The following PLCD3 variants were observed in gnomAD, a reference collection of about 807,000 sequenced individuals.
PLCD3 encodes 1-phosphatidylinositol 4,5-bisphosphate phosphodiesterase delta-3.
A neutral mutation model predicts 82.8 loss-of-function variants in PLCD3; 62 were observed. The ratio of observed to expected loss-of-function variants is 0.75; its 90% CI spans 0.61 to 0.93. PLCD3 has a LOEUF of 0.93. Ranked by LOEUF, PLCD3 falls within the 40% of genes least tolerant of loss-of-function variation. The pLI is 0.00. For missense variants in PLCD3, 1,023 were observed against 1,103.4 expected, an observed-to-expected ratio of 0.93 and a Z score of 1.03; for synonymous variants, 478 against 471.8, an observed-to-expected ratio of 1.01 and a Z score of -0.17.
chr17:45,114,443 G>T, intron 10 of PLCD3, 77 bp from the exon 11 acceptor site: 2 of 1,197,930 alleles, frequency 1.7e-6, no homozygotes, highest in South Asian at 1.4e-5. Context: ...AACCTCCAGG[G>T]AACAGAGCCC....
chr17:45,113,149 G>T lies in PLCD3; in HGVS notation c.2104C>A (p.Gln702Lys). 2 of 1,613,360 alleles carry T rather than the reference G, an allele frequency of 1.2e-6. No individual in the cohort carries two copies. Among genetic ancestry groups the T allele is most frequent in the East Asian group, 2.2e-5 (1 of 44,874 alleles). The change falls in exon 13 of 15, where the codon CAG becomes AAG. Residue 702 changes from glutamine (Q) to lysine (K), a missense_variant. Gln to Lys is a moderately conservative substitution (Grantham distance 53, BLOSUM62 1). Around this residue, in one of 3 missense-constraint regions of PLCD3, gnomAD observed 553 missense variants for 655.7 expected, o/e 0.84. Transcript: ENST00000619929. ...IHGVPADCAR[Q>K]ETDYVLNNGF... ...TTGTTGAGCACGTAGTCAGTCTCCT[G>T]CCGGGCACAGTCTGCGGGCACCCCA...
At chr17:45,126,168 T>A (rs2054379957) in intron 1 of PLCD3, among the ~76,000 whole-genome samples, 1 of 151,252 alleles carries the variant, frequency 6.6e-6, no homozygotes, top group South Asian at 2.1e-4. Flanking sequence ...CTCAGCCTCC[T>A]GAGTAGCTAG....
rs1220015952 is a variant in PLCD3 at position 45,112,688 on chromosome 17, G to A, written c.2298C>T (p.His766=). Reference sequence around the variant, plus strand: ...GTGAGGCCCCGTCCTTGGAAAGCAGGTGTATGTGGCGGTACCCTGTAGGGA... The same window carrying A: ...GTGAGGCCCCGTCCTTGGAAAGCAGATGTATGTGGCGGTACCCTGTAGGGA... ...SSLKQGYRHI[H]LLSKDGASLS... The change falls in exon 15 of 15, where the codon CAC becomes CAT. Residue 766 remains histidine (H), a synonymous_variant. Transcript: ENST00000619929. 6.2e-7 allele frequency: 1 copy of A among 1,606,344 alleles called. No homozygotes were observed. The highest frequency in any genetic ancestry group is 8.5e-7 in the Non-Finnish European group (1 of 1,176,710).
In PLCD3 at chr17:45,112,881, G is replaced by C; in HGVS notation, c.2263C>G (p.Leu755Val). ...CACCAACCTTGCTTTAGGCTGCTAA[G>C]AGGCAGTGTAAACTGGCCCACAAAG... is the stretch of plus-strand genomic sequence containing the variant. ...NDFVGQFTLP[L>V]SSLKQGYRHI... The change falls in exon 14 of 15, where the codon CTT (leucine) becomes GTT (valine). Residue 755 changes from leucine to valine, a missense_variant. Physicochemically the swap from Leu to Val is conservative, Grantham distance 32 (BLOSUM62 1). Transcript: ENST00000619929. The C allele has an allele frequency of 6.2e-7, 1 of 1,612,542 alleles. No homozygotes were observed. Among genetic ancestry groups the C allele is most frequent in the African/African-American group, 1.3e-5 (1 of 75,006 alleles).
chr17:45,115,807 C>G (rs1482707151), intron 8 of PLCD3, among the ~76,000 whole-genome samples: 1 of 152,222 alleles, frequency 6.6e-6, no homozygotes, highest in Non-Finnish European at 1.5e-5. Flanking sequence ...AGGCTACAAC[C>G]TGGAATCACA....
At chr17:45,112,812 C>G in intron 14 of PLCD3, 51 bp downstream of exon 14, 3 of 1,605,328 alleles carry the variant, frequency 1.9e-6, no homozygotes, top group Admixed American at 1.7e-5. Context: ...TGAACAGGGT[C>G]TGCAGGACCT....
intron 1 of PLCD3, among the ~76,000 whole-genome samples, chr17:45,128,861 C>T (rs1285232162): frequency 1.3e-5 from 2 of 152,242 alleles, no homozygotes; most frequent in African/African-American, 4.8e-5. Context: ...TGAGGACGCT[C>T]CTGGGGGCTG....
chr17:45,115,195 G>T lies in PLCD3; in HGVS notation c.1610C>A (p.Ala537Asp), dbSNP rs1380230461. 6.3e-7 allele frequency: 1 copy of T among 1,582,798 alleles called. No homozygotes were observed. Among genetic ancestry groups the T allele is most frequent in the Admixed American group, 1.8e-5 (1 of 55,652 alleles). ...ELSALAVYCH[A>D]TRLRTLHPAP... ...AGGGTGCAGGGTCCGCAGGCGGGTG[G>T]CGTGGCAGTACACAGCCAGGGCCGA... Residue 537 changes from alanine (A) to aspartate (D), a missense_variant, in exon 10 of 15, where the codon GCC (alanine) becomes GAC (aspartate). Ala to Asp is a moderately radical substitution (Grantham distance 126). Transcript: ENST00000619929.
chr17:45,130,432 C>T (rs1289656993), intron 1 of PLCD3, among the ~76,000 whole-genome samples: 3 of 152,184 alleles, frequency 2.0e-5, no homozygotes, highest in Non-Finnish European at 2.9e-5. Flanking sequence ...GCTCAGCAAA[C>T]GTGTGGGATG....
At chr17:45,128,689 A>T (rs1468698429) in intron 1 of PLCD3, among the ~76,000 whole-genome samples, 16 of 152,226 alleles carry the variant, frequency 1.1e-4, no homozygotes, top group Admixed American at 1.0e-3. Flanking sequence ...ACAGGCACAC[A>T]CGGGGCTGTG....
chr17:45,132,443 T>G lies in PLCD3; in HGVS notation c.-33A>C. The G allele has an allele frequency of 8.5e-7, 1 of 1,174,858 alleles. No homozygotes were observed. The highest frequency in any genetic ancestry group is 1.1e-6 in the Non-Finnish European group (1 of 948,436). 72.8% of individuals were successfully genotyped at this position (1,174,858 alleles called of 1,614,324 possible). ...CGGGGGGCCGGGGCCGGGCCCGGGG[T>G]CTGCACGCGGGGACAGGGCAGCGGG... On this transcript the variant is annotated 5_prime_UTR_variant, in exon 1 of 15. Coordinates refer to ENST00000619929, the MANE Select transcript of PLCD3 (RefSeq NM_133373.5). The surrounding 1 kb of genome is among the most constrained non-coding windows in gnomAD (Gnocchi z 4.6).
At position 45,112,967 on chromosome 17, in the gene PLCD3, G is replaced by T. The variant is rs759122317; in HGVS notation, c.2177C>A (p.Ala726Asp). The change falls in exon 14 of 15, where the codon GCT becomes GAT. Residue 726 changes from alanine to aspartate, a missense_variant. Ala to Asp is a moderately radical substitution (Grantham distance 126, BLOSUM62 -2). This residue lies in a region of PLCD3 where 553 missense variants were observed against 655.7 expected (regional missense o/e 0.84). Coordinates refer to ENST00000619929, the MANE Select transcript of PLCD3 (RefSeq NM_133373.5). ...WGQTLQFQLR[A>D]PELALVRFVV... is the part of the protein sequence containing the mutation. ...AAACCGGACCAGTGCCAGCTCCGGA[G>T]CCCGCAGCTGGAACTGCAGGGTCTG... 1.9e-6 allele frequency: 3 copies of T among 1,611,750 alleles called. No individual in the cohort carries two copies. Among genetic ancestry groups the T allele is most frequent in the East Asian group, 2.2e-5 (1 of 44,884 alleles).
rs1439800444 is a variant in PLCD3 at position 45,110,914 on chromosome 17, G to A, written c.*1702C>T. 2.0e-5 allele frequency: 3 copies of A among 152,276 alleles called. No homozygotes were observed. 9.4% of individuals were successfully genotyped at this position (152,276 alleles called of 1,614,324 possible). A position where few individuals can be genotyped will look rare whatever the true frequency, so the allele number is the denominator to read the frequency against. On this transcript the variant is annotated 3_prime_UTR_variant, in exon 15 of 15. Transcript: ENST00000619929. ...ACTGCCACTTTCTGCATTAGTTCTT[G>A]GAGTTGCTAGAAGGTGGAGTCTGCC...
At chr17:45,120,089 C>T (rs2054323984) in intron 4 of PLCD3, among the ~76,000 whole-genome samples, 1 of 152,250 alleles carries the variant, frequency 6.6e-6, no homozygotes, top group African/African-American at 2.4e-5. Flanking sequence ...GGGGTAGGAA[C>T]TGAGGATGAG....
At chr17:45,113,359 C>T (rs2054264189) in intron 12 of PLCD3, 80 bp downstream of exon 12, 14 of 1,552,230 alleles carry the variant, frequency 9.0e-6, no homozygotes, top group Non-Finnish European at 1.2e-5. Context: ...TCCCCAGCCT[C>T]CCTTGCCTTC....
chr17:45,118,783 G>A lies in PLCD3; in HGVS notation c.913+32C>T. 7.6e-6 allele frequency: 12 copies of A among 1,579,286 alleles called. No individual in the cohort carries two copies. Among genetic ancestry groups the A allele is most frequent in the Non-Finnish European group, 9.5e-6 (11 of 1,161,078 alleles). ...TTAGCTGGGAACACAGCCCTTTCAG[G>A]TGCCACGACCTGGCCGTGCCACCCC... is the stretch of plus-strand genomic sequence containing the variant. On this transcript the variant is annotated intron_variant, in intron 5 of 14. Coordinates refer to ENST00000619929, the MANE Select transcript of PLCD3 (RefSeq NM_133373.5). The surrounding 1 kb of genome is among the most constrained non-coding windows in gnomAD (Gnocchi z 4.1).
chr17:45,129,627 C>T (rs897932303), intron 1 of PLCD3, among the ~76,000 whole-genome samples: 6 of 152,240 alleles, frequency 3.9e-5, no homozygotes, highest in South Asian at 2.1e-4. Context: ...CAGCACCTCC[C>T]GCACAGGGAT....
At position 45,117,893 on chromosome 17, in the gene PLCD3, A is replaced by G; in HGVS notation, c.1260+101T>C. 1.0e-5 allele frequency: 15 copies of G among 1,460,380 alleles called. 1 individual carries two copies. The South Asian group carries it at 1.7e-4, about 16-fold the overall frequency. The allele number at this position is 1,460,380 out of a possible 1,614,324, so 90.5% of individuals were successfully genotyped here. ...TTGGTGAATGAATGATTCTCTGGGC[A>G]AGGGTTTCCTCTGGAAGGACGGAGG... On this transcript the variant is annotated intron_variant, in intron 7 of 14. Coordinates refer to ENST00000619929, the MANE Select transcript of PLCD3 (RefSeq NM_133373.5).
At position 45,113,313 on chromosome 17, in the gene PLCD3, T is replaced by A; in HGVS notation, c.1996-56A>T. ...CACGCCCACCTTGGCCATCCCCTCATGGGCCTCAAGCTCACACCACCCTCA... is the reference window on the plus strand; with the variant it reads ...CACGCCCACCTTGGCCATCCCCTCAAGGGCCTCAAGCTCACACCACCCTCA... On this transcript the variant is annotated intron_variant, in intron 12 of 14. Transcript: ENST00000619929. The A allele has an allele frequency of 3.2e-6, 5 of 1,558,646 alleles. No homozygotes were observed. In the South Asian group the frequency reaches 5.9e-5, roughly 18 times the overall value.
Sources: gnomAD v4.1 joint callset for allele counts (sites outside exome capture counted in the v4.1 genomes callset) on GRCh38, gnomAD v4.1.1 for gene constraint, gnomAD v4.1.1 regional missense constraint, Gnocchi (gnomAD v3.1) non-coding constraint, MANE v1.5 for transcripts, NCBI Gene and HGNC (gene_info 2026-07-23, HGNC 2026-07-21) for gene names.